Variants in AGPAT4 observed in about 807,000 individuals in gnomAD.
The protein encoded by AGPAT4 is 1-acylglycerol-3-phosphate O-acyltransferase 4, also known as 1-acyl-sn-glycerol-3-phosphate acyltransferase delta.
AGPAT4 carries 15 observed loss-of-function variants against 48.0 expected under a neutral mutation model. The observed-to-expected ratio is 0.31, with a 90% CI of 0.21 to 0.48. The LOEUF is 0.48. AGPAT4 is among the 20% of genes least tolerant of loss of function. The pLI is 0.99. For missense variants in AGPAT4, 314 were observed against 482.5 expected (o/e 0.65, Z 3.27); for synonymous variants, 178 against 198.7 (o/e 0.90, Z 0.88).
At position 161,161,510 on chromosome 6, in the gene AGPAT4, G is replaced by C; in HGVS notation, c.348+4738C>G. 2.2e-6 allele frequency: 1 copy of C among 456,662 alleles called. No homozygotes were observed. Among genetic ancestry groups the C allele is most frequent in the South Asian group, 1.5e-5 (1 of 64,564 alleles). 28.3% of individuals were successfully genotyped at this position (456,662 alleles called of 1,614,324 possible). A position where few individuals can be genotyped will look rare whatever the true frequency, so the allele number is the denominator to read the frequency against. Reference sequence around the variant, plus strand: ...GCCTGCAGAGCTGATGAATTCACATGGTGGCGGGCAGCACTGGGTATCTGC... The same window carrying C: ...GCCTGCAGAGCTGATGAATTCACATCGTGGCGGGCAGCACTGGGTATCTGC... On this transcript the variant is annotated intron_variant, in intron 3 of 8. Transcript: ENST00000320285. The surrounding 1 kb of genome is among the most constrained non-coding windows in gnomAD (Gnocchi z 4.6).
chr6:161,150,254 C>A (rs553526418), intron 5 of AGPAT4, among the ~76,000 whole-genome samples: 2 of 152,150 alleles, frequency 1.3e-5, no homozygotes, highest in African/African-American at 2.4e-5. Flanking sequence ...GTAGGAGGAA[C>A]GGGTGGGAAC....
rs1021418698 is a variant in AGPAT4 at position 161,149,459 on chromosome 6, A to C, written c.665-170T>G. On this transcript the variant is annotated intron_variant, in intron 5 of 8. Coordinates refer to ENST00000320285, the MANE Select transcript of AGPAT4 (RefSeq NM_020133.3). This position sits in a 1 kb window ranked among gnomAD's most constrained non-coding sequence, Gnocchi z 6.5. ...TCCACATGTTCTACACTGAATGTGT[A>C]TTATCTTTTGTAATCATAAAATCCC... is the stretch of plus-strand genomic sequence containing the variant. 1.3e-5 allele frequency among the ~76,000 whole-genome samples: 2 copies of C among 152,178 alleles called. No homozygotes were observed. The highest frequency in any genetic ancestry group is 2.4e-5 in the African/African-American group (1 of 41,438).
At position 161,138,197 on chromosome 6, in the gene AGPAT4, C is replaced by T. The variant is rs1226781010; in HGVS notation, c.1042+1225G>A. ...TTAAGGAGATGAGGTGCTTTCTTCTCCAACCTCTTATTTTTTTCCCTTACA... is the reference window on the plus strand; with the variant it reads ...TTAAGGAGATGAGGTGCTTTCTTCTTCAACCTCTTATTTTTTTCCCTTACA... On this transcript the variant is annotated intron_variant, in intron 8 of 8. Coordinates refer to ENST00000320285, the MANE Select transcript of AGPAT4 (RefSeq NM_020133.3). The surrounding 1 kb of genome is among the most constrained non-coding windows in gnomAD (Gnocchi z 4.8). 6.6e-6 allele frequency among the ~76,000 whole-genome samples: 1 copy of T among 152,236 alleles called. No individual in the cohort carries two copies. The highest frequency in any genetic ancestry group is 1.5e-5 in the Non-Finnish European group (1 of 68,040).
chr6:161,183,580 A>G (rs1163625077), intron 2 of AGPAT4, among the ~76,000 whole-genome samples: 1 of 144,142 alleles, frequency 6.9e-6, no homozygotes, highest in Non-Finnish European at 1.5e-5. Flanking sequence ...AGATCATGCC[A>G]CTACACTCCA....
chr6:161,203,829 T>A (rs1190369753), intron 2 of AGPAT4, among the ~76,000 whole-genome samples: 6 of 152,226 alleles, frequency 3.9e-5, no homozygotes. Context: ...GTCAGTATTA[T>A]ATGCCATTTC....
At chr6:161,187,647 TCTC>T in intron 2 of AGPAT4, among the ~76,000 whole-genome samples, 1 of 151,976 alleles carries the variant, frequency 6.6e-6, no homozygotes, top group South Asian at 2.1e-4. Flanking sequence ...GCGTTCAAAT[TCTC>T]CTGCCTCAGC....
rs555705257 is a variant in AGPAT4 at position 161,249,675 on chromosome 6, G to A, written c.-89-17373C>T. 6.6e-5 allele frequency among the ~76,000 whole-genome samples: 10 copies of A among 152,158 alleles called. No individual in the cohort carries two copies. Among genetic ancestry groups the A allele is most frequent in the African/African-American group, 2.4e-4 (10 of 41,432 alleles). ...GTCAAAAAATAACACATGCTGGTGA[G>A]GTTGCAGAGAAAAAGGAACACATAC... On this transcript the variant is annotated intron_variant, in intron 1 of 8. Transcript: ENST00000320285. The surrounding 1 kb of genome is among the most constrained non-coding windows in gnomAD (Gnocchi z 6.2).
intron 2 of AGPAT4, among the ~76,000 whole-genome samples, chr6:161,183,725 A>AG (rs1780676329): frequency 1.7e-5 from 1 of 57,852 alleles, no homozygotes; most frequent in African/African-American, 7.6e-5. Context: ...AGGAGATGGG[A>AG]GAAGAGGGGA....
chr6:161,181,540 A>C (rs1210252224), intron 2 of AGPAT4, among the ~76,000 whole-genome samples: 4 of 151,428 alleles, frequency 2.6e-5, no homozygotes, highest in Non-Finnish European at 5.9e-5. Flanking sequence ...CCCAACACTA[A>C]GTGAGCTTGG....
At position 161,159,379 on chromosome 6, in the gene AGPAT4, G is replaced by A. The variant is rs575547406; in HGVS notation, c.349-5069C>T. Reference sequence around the variant, plus strand: ...GCTGGTTATGATTACCTGTGGCCTTGAGGTGCCCAGAGTCTAGTGGGAAGG... The same window carrying A: ...GCTGGTTATGATTACCTGTGGCCTTAAGGTGCCCAGAGTCTAGTGGGAAGG... On this transcript the variant is annotated intron_variant, in intron 3 of 8. Transcript: ENST00000320285. This position sits in a 1 kb window ranked among gnomAD's most constrained non-coding sequence, Gnocchi z 4.1. Among the ~76,000 whole-genome samples, 30 of 152,306 alleles carry A rather than the reference G, an allele frequency of 2.0e-4. No homozygotes were observed. The highest frequency in any genetic ancestry group is 6.2e-4 in the South Asian group (3 of 4,826).
At position 161,177,034 on chromosome 6, in the gene AGPAT4, T is replaced by G. The variant is rs1372626588; in HGVS notation, c.179-10617A>C. Among the ~76,000 whole-genome samples the G allele has an allele frequency of 6.6e-6, 1 of 152,210 alleles. No homozygotes were observed. ...CTGCTGTTAGTCTGATGGGCTTCCT[T>G]TTGTGGGTAAATTGATCTTTCTCTC... is the stretch of plus-strand genomic sequence containing the variant. On this transcript the variant is annotated intron_variant, in intron 2 of 8. Coordinates refer to ENST00000320285, the MANE Select transcript of AGPAT4 (RefSeq NM_020133.3). The surrounding 1 kb of genome is among the most constrained non-coding windows in gnomAD (Gnocchi z 5.0).
At position 161,177,845 on chromosome 6, in the gene AGPAT4, T is replaced by C. The variant is rs933067799; in HGVS notation, c.179-11428A>G. ...ATGGAGTTTTAGTGTGGATGTCCTT[T>C]CCGTTTGTTAGTTTTCCTTCTAACA... On this transcript the variant is annotated intron_variant, in intron 2 of 8. Coordinates refer to ENST00000320285, the MANE Select transcript of AGPAT4 (RefSeq NM_020133.3). This position sits in a 1 kb window ranked among gnomAD's most constrained non-coding sequence, Gnocchi z 5.0. Among the ~76,000 whole-genome samples, 20 of 152,174 alleles carry C rather than the reference T, an allele frequency of 1.3e-4. No individual in the cohort carries two copies. The highest frequency in any genetic ancestry group is 4.6e-4 in the African/African-American group (19 of 41,464).
chr6:161,205,524 G>A (rs1583328141), intron 2 of AGPAT4, among the ~76,000 whole-genome samples: 1 of 152,246 alleles, frequency 6.6e-6, no homozygotes, highest in African/African-American at 2.4e-5. Context: ...CACATCTCAT[G>A]GGGAAACTTA....
At position 161,206,284 on chromosome 6, in the gene AGPAT4, G is replaced by A. The variant is rs555500077; in HGVS notation, c.178+25752C>T. On this transcript the variant is annotated intron_variant, in intron 2 of 8. Transcript: ENST00000320285. The surrounding 1 kb of genome is among the most constrained non-coding windows in gnomAD (Gnocchi z 4.8). The stretch of plus-strand genomic sequence containing the variant: ...TACCTGCTGGGTGACCGATGTCATA[G>A]AAGGCTAAGTGGGGAGCTGGAACCT... Among the ~76,000 whole-genome samples, 34 of 152,276 alleles carry A rather than the reference G, an allele frequency of 2.2e-4. No homozygotes were observed. The highest frequency in any genetic ancestry group is 4.2e-4 in the South Asian group (2 of 4,806).
chr6:161,181,864 A>C (rs1231649715), intron 2 of AGPAT4, among the ~76,000 whole-genome samples: 1 of 152,168 alleles, frequency 6.6e-6, no homozygotes, highest in East Asian at 1.9e-4. Flanking sequence ...TTTGCCCCCA[A>C]GGGGACAAAA....
chr6:161,246,381 G>T lies in AGPAT4; in HGVS notation c.-89-14079C>A, dbSNP rs1782648143. Among the ~76,000 whole-genome samples the T allele has an allele frequency of 6.6e-6, 1 of 151,630 alleles. No homozygotes were observed. The highest frequency in any genetic ancestry group is 2.4e-5 in the African/African-American group (1 of 41,262). ...TTAAGTTCTACTATATACTAACATT[G>T]CATTAGACTTCTGAGCATAGGCACA... On this transcript the variant is annotated intron_variant, in intron 1 of 8. Transcript: ENST00000320285. The surrounding 1 kb of genome is among the most constrained non-coding windows in gnomAD (Gnocchi z 5.5).
rs1254288485 is a variant in AGPAT4 at position 161,229,184 on chromosome 6, A to G, written c.178+2852T>C. On this transcript the variant is annotated intron_variant, in intron 2 of 8. Coordinates refer to ENST00000320285, the MANE Select transcript of AGPAT4 (RefSeq NM_020133.3). This position sits in a 1 kb window ranked among gnomAD's most constrained non-coding sequence, Gnocchi z 6.0. Reference sequence around the variant, plus strand: ...ACAAAGCCATAGCTCTGCTAGAGGAAAGCGAACACAGAGATGGAAGGGCTC... The same window carrying G: ...ACAAAGCCATAGCTCTGCTAGAGGAGAGCGAACACAGAGATGGAAGGGCTC... 6.6e-6 allele frequency among the ~76,000 whole-genome samples: 1 copy of G among 152,182 alleles called. No individual in the cohort carries two copies. The highest frequency in any genetic ancestry group is 1.5e-5 in the Non-Finnish European group (1 of 68,034).
At chr6:161,248,687 A>G (rs1324592580) in intron 1 of AGPAT4, among the ~76,000 whole-genome samples, 3 of 152,190 alleles carry the variant, frequency 2.0e-5, no homozygotes, top group Admixed American at 2.0e-4. Context: ...CAACGAATGA[A>G]GAAATATTCC....
chr6:161,147,769 T>C lies in AGPAT4; in HGVS notation c.768-1170A>G, dbSNP rs1779474482. On this transcript the variant is annotated intron_variant, in intron 6 of 8. Transcript: ENST00000320285. The surrounding 1 kb of genome is among the most constrained non-coding windows in gnomAD (Gnocchi z 4.8). ...TGAGATCTCTCAAGTCTGCCTAATA[T>C]TTCTTTATTTGGAGAGTAGGAATGT... Among the ~76,000 whole-genome samples, 1 of 152,244 alleles carries C rather than the reference T, an allele frequency of 6.6e-6. No individual in the cohort carries two copies. Among genetic ancestry groups the C allele is most frequent in the African/African-American group, 2.4e-5 (1 of 41,460 alleles).
Sources: allele counts gnomAD v4.1 joint callset (sites outside exome capture counted in the v4.1 genomes callset), GRCh38; gene constraint gnomAD v4.1.1; non-coding constraint Gnocchi (gnomAD v3.1); transcripts MANE v1.5; gene names NCBI Gene and HGNC (gene_info 2026-07-23, HGNC 2026-07-21).